Variants in SCG3 observed in about 807,000 individuals in gnomAD.
SCG3 encodes the protein secretogranin-3.
A neutral mutation model predicts 56.2 loss-of-function variants in SCG3; 38 were observed. The observed-to-expected ratio is 0.68, with a 90% confidence interval of 0.52 to 0.89. The LOEUF is 0.89. SCG3 is among the 40% of genes least tolerant of loss of function. The pLI is 0.00. For missense variants in SCG3, 524 were observed against 540.7 expected, an observed-to-expected ratio of 0.97 and a Z score of 0.31; for synonymous variants, 176 against 184.2, an observed-to-expected ratio of 0.96 and a Z score of 0.36.
chr15:51,714,754 C>T (rs1030242356), intron 11 of SCG3, among the ~76,000 whole-genome samples: 1 of 152,188 alleles, frequency 6.6e-6, no homozygotes, highest in East Asian at 1.9e-4. Context: ...GAGGTATTTT[C>T]AGCACCCTGG....
intron 10 of SCG3, among the ~76,000 whole-genome samples, chr15:51,710,186 T>C (rs1476354421): frequency 2.6e-5 from 4 of 152,130 alleles, no homozygotes; most frequent in Non-Finnish European, 4.4e-5. Flanking sequence ...CTGTCAGTCT[T>C]GTTCTAGGCA....
intron 6 of SCG3, among the ~76,000 whole-genome samples, chr15:51,691,722 C>T (rs560636926): frequency 2.0e-5 from 3 of 152,298 alleles, no homozygotes; most frequent in East Asian, 3.9e-4. Context: ...CAAAAATTCC[C>T]AGGTGTGACT....
At chr15:51,698,213 T>C (rs894182514) in intron 8 of SCG3, among the ~76,000 whole-genome samples, 1 of 152,234 alleles carries the variant, frequency 6.6e-6, no homozygotes, top group Non-Finnish European at 1.5e-5. Context: ...ACAAACTAAC[T>C]GCAAAGACAT....
rs143070074 is a variant in SCG3, at chr15:51,683,292, A to G, written c.255A>G (p.Glu85=). The change falls in exon 4 of 12, where the codon GAA becomes GAG. Residue 85 remains glutamate (E), a synonymous_variant. Coordinates refer to ENST00000220478, the MANE Select transcript of SCG3 (RefSeq NM_013243.4). Reference sequence around the variant, plus strand: ...TGCTAAAGGCAATAACAGAAAAGGAAAAAATTGAGAAAGAAAGACAATCTA... The same window carrying G: ...TGCTAAAGGCAATAACAGAAAAGGAGAAAATTGAGAAAGAAAGACAATCTA... ...LNLLKAITEK[E]KIEKERQSIR... is the part of the protein sequence containing the mutation. 3.3e-5 allele frequency: 53 copies of G among 1,613,916 alleles called. No individual in the cohort carries two copies. In the African/African-American group the frequency reaches 5.3e-4, roughly 16 times the overall value.
intron 10 of SCG3, 68 bp downstream of exon 10, chr15:51,701,312 G>GCTT: frequency 2.0e-6 from 3 of 1,478,298 alleles, no homozygotes; most frequent in Non-Finnish European, 2.7e-6. Context: ...ACACAAGGGA[G>GCTT]GGTGATCCAA....
rs896442048 is a variant in SCG3, at chr15:51,681,679, C to A, written c.-77C>A. On this transcript the variant is annotated 5_prime_UTR_variant, in exon 1 of 12. Coordinates refer to ENST00000220478, the MANE Select transcript of SCG3 (RefSeq NM_013243.4). Reference sequence around the variant, plus strand: ...CCTCCTGGCTCTTCCTGTTTTTACTCCTCCTTTTCATTCATAACAAAAGCT... The same window carrying A: ...CCTCCTGGCTCTTCCTGTTTTTACTACTCCTTTTCATTCATAACAAAAGCT... The A allele has an allele frequency of 1.3e-5, 8 of 638,374 alleles. No individual in the cohort carries two copies. The highest frequency in any genetic ancestry group is 1.9e-5 in the Non-Finnish European group (7 of 366,712). The allele number at this position is 638,374 out of a possible 1,614,324, so 39.5% of individuals were successfully genotyped here.
chr15:51,694,661 A>G (rs535059337), intron 7 of SCG3, among the ~76,000 whole-genome samples: 4 of 152,272 alleles, frequency 2.6e-5, no homozygotes, highest in African/African-American at 4.8e-5. Context: ...TTTAGAATTA[A>G]TATTTTTTCT....
At chr15:51,692,748 A>G (rs1173593185) in intron 7 of SCG3, among the ~76,000 whole-genome samples, 1 of 152,144 alleles carries the variant, frequency 6.6e-6, no homozygotes, top group Non-Finnish European at 1.5e-5. Flanking sequence ...TGGCAAACAA[A>G]TATTGTATAT....
chr15:51,695,406 G>T (rs1358735391), intron 7 of SCG3, among the ~76,000 whole-genome samples: 1 of 152,096 alleles, frequency 6.6e-6, no homozygotes, highest in African/African-American at 2.4e-5. Flanking sequence ...TGAAAACTGT[G>T]TCTTTATCAT....
chr15:51,687,822 AG>A (rs1325406032), intron 4 of SCG3, among the ~76,000 whole-genome samples: 1 of 152,220 alleles, frequency 6.6e-6, no homozygotes, highest in Non-Finnish European at 1.5e-5. Context: ...TTGCCTGCAA[AG>A]GTAGTACATG....
intron 7 of SCG3, among the ~76,000 whole-genome samples, chr15:51,692,813 T>G (rs1233492445): frequency 6.6e-6 from 1 of 152,240 alleles, no homozygotes; most frequent in East Asian, 1.9e-4. Flanking sequence ...GAAATGATTA[T>G]CACAATGAAT....
At position 51,689,400 on chromosome 15, in the gene SCG3, G is replaced by GGT. The variant is rs3841591; in HGVS notation, c.690+63_690+64dup. 4,535 of 1,173,598 alleles carry GGT rather than the reference G, an allele frequency of 3.9e-3. 24 individuals are homozygous for GGT. The highest frequency in any genetic ancestry group is 0.03 in the African/African-American group (1,876 of 62,714). The allele number at this position is 1,173,598 out of a possible 1,614,324, so 72.7% of individuals were successfully genotyped here. Reference sequence around the variant, plus strand: ...ATGTGTATATATGCATATGCATGGGGGTGTGTGTGTGTGTGTGTGTGTGTG... The same window carrying GGT: ...ATGTGTATATATGCATATGCATGGGGGTGTGTGTGTGTGTGTGTGTGTGTGTG... On this transcript the variant is annotated intron_variant, in intron 6 of 11. Coordinates refer to ENST00000220478, the MANE Select transcript of SCG3 (RefSeq NM_013243.4).
chr15:51,692,990 T>C (rs186550681), intron 7 of SCG3, among the ~76,000 whole-genome samples: 1 of 152,206 alleles, frequency 6.6e-6, no homozygotes, highest in African/African-American at 2.4e-5. Flanking sequence ...CTCCAGAATG[T>C]ATTCATCTTG....
chr15:51,682,010 T>C (rs1489022072), intron 1 of SCG3, among the ~76,000 whole-genome samples, 173 bp downstream of exon 1: 2 of 152,206 alleles, frequency 1.3e-5, no homozygotes, highest in Non-Finnish European at 2.9e-5. Context: ...AGATTTTTTT[T>C]CTTCACTTTT....
chr15:51,703,393 C>CT (rs1247686988), intron 10 of SCG3, among the ~76,000 whole-genome samples: 8 of 152,126 alleles, frequency 5.3e-5, no homozygotes, highest in African/African-American at 1.9e-4. Flanking sequence ...AAACTATTTC[C>CT]TTTTTATATT....
At chr15:51,705,586 A>G (rs2055370327) in intron 10 of SCG3, among the ~76,000 whole-genome samples, 1 of 150,646 alleles carries the variant, frequency 6.6e-6, no homozygotes, top group Non-Finnish European at 1.5e-5. Context: ...CAATGGTGTG[A>G]TATCTGCTCA....
chr15:51,709,718 T>TATTTTA (rs1567222393), intron 10 of SCG3, among the ~76,000 whole-genome samples: 1 of 51,510 alleles, frequency 1.9e-5, no homozygotes, highest in Non-Finnish European at 3.9e-5. Flanking sequence ...TTTTTTTTTT[T>TATTTTA]TTTTTTTTTT....
intron 10 of SCG3, among the ~76,000 whole-genome samples, chr15:51,710,291 C>G (rs2055412267): frequency 6.6e-6 from 1 of 152,052 alleles, no homozygotes; most frequent in African/African-American, 2.4e-5. Flanking sequence ...TAGTCACCTT[C>G]TGATGGATAA....
intron 5 of SCG3, 22 bp downstream of exon 5, chr15:51,688,424 A>G: frequency 6.2e-7 from 1 of 1,609,660 alleles, no homozygotes; most frequent in Non-Finnish European, 8.5e-7. Flanking sequence ...GGTAGGAAAT[A>G]AACCAAATTC....
Sources: gnomAD v4.1 joint callset for allele counts (sites outside exome capture counted in the v4.1 genomes callset) on GRCh38, gnomAD v4.1.1 for gene constraint, MANE v1.5 for transcripts, NCBI Gene and HGNC (gene_info 2026-07-23, HGNC 2026-07-21) for gene names.